The following RPS6KA3 variants were observed in gnomAD, a reference collection of about 807,000 sequenced individuals.
The protein encoded by RPS6KA3 is ribosomal protein S6 kinase alpha-3.
Under a neutral mutation model 67.2 loss-of-function variants are expected in RPS6KA3, and 4 were observed. The observed-to-expected ratio is 0.06, with a 90% CI of 0.03 to 0.14. RPS6KA3 has a LOEUF of 0.14. Among genes scored for constraint, RPS6KA3 ranks in the 10% least tolerant of loss-of-function variants. RPS6KA3 has a pLI of 1.00. For synonymous variants in RPS6KA3, 182 were observed against 183.7 expected (o/e 0.99, Z 0.07); for missense variants, 204 against 559.0 (o/e 0.36, Z 6.40).
chrX:20,233,289 T>C (rs773597300), intron 2 of RPS6KA3, among the ~76,000 whole-genome samples: 2 of 111,694 alleles, frequency 1.8e-5, no homozygotes, highest in African/African-American at 3.3e-5. Context: ...ATTTGACAAA[T>C]GTCTATTGAT....
chrX:20,183,785 T>A lies in RPS6KA3; in HGVS notation c.845+2511A>T, dbSNP rs531024322. ...GTTTATCAAGATTCACATTAAAAAG[T>A]TGTTAGGATTTTAATTTTATTTGCA... On this transcript the variant is annotated intron_variant, in intron 10 of 21. Transcript: ENST00000379565. Among the ~76,000 whole-genome samples, 6 of 112,424 alleles carry A rather than the reference T, an allele frequency of 5.3e-5. No homozygotes were observed. In the South Asian group the frequency reaches 2.2e-3, roughly 41 times the overall value.
intron 4 of RPS6KA3, chrX:20,203,262 A>AT (rs1312556662): frequency 7.9e-4 from 67 of 84,787 alleles, no homozygotes; most frequent in African/African-American, 4.0e-3. Flanking sequence ...CTTCTTAACT[A>AT]CTTTTTTTTT....
At chrX:20,176,216 G>T (rs2067696412) in intron 13 of RPS6KA3, 34 bp downstream of exon 13, 1 of 879,128 alleles carries the variant, frequency 1.1e-6, no homozygotes, top group Non-Finnish European at 1.7e-6. Context: ...CATATTTGTT[G>T]TCTTATATTT....
At chrX:20,231,449 T>A (rs1398898112) in intron 2 of RPS6KA3, among the ~76,000 whole-genome samples, 2 of 112,042 alleles carry the variant, frequency 1.8e-5, no homozygotes, top group Admixed American at 1.9e-4. Context: ...TCTGGAAGAT[T>A]AAATGTGTAG....
rs1215736165 is a variant in RPS6KA3, at chrX:20,266,747, GGCA to G, written c.-118_-116del. 601 of 20,470 alleles carry G rather than the reference GGCA, an allele frequency of 0.029. 3 individuals are homozygous for G. Among genetic ancestry groups the G allele is most frequent in the African/African-American group, 0.23 (170 of 743 alleles). The allele number at this position is 20,470 out of a possible 1,213,427, so 1.7% of individuals were successfully genotyped here. On this transcript the variant is annotated 5_prime_UTR_variant, in exon 1 of 22. Transcript: ENST00000379565. ...CAGCGGCGGCGGCGGCGGCGGCGGC[GGCA>G]GCGGCAGCGGCAGCGGCAGCAGCAG...
intron 10 of RPS6KA3, among the ~76,000 whole-genome samples, chrX:20,182,100 A>G (rs764501479): frequency 1.8e-5 from 2 of 111,620 alleles, no homozygotes; most frequent in Non-Finnish European, 3.8e-5. Context: ...ACCCCGAACA[A>G]AAACACCCAA....
Position 20,155,155 on chromosome X carries a change from A to C in RPS6KA3, c.*243T>G. The C allele has an allele frequency of 2.5e-6, 1 of 405,570 alleles. No individual in the cohort carries two copies. Among genetic ancestry groups the C allele is most frequent in the Non-Finnish European group, 4.3e-6 (1 of 229,924 alleles). 33.4% of individuals were successfully genotyped at this position (405,570 alleles called of 1,213,427 possible). A position where few individuals can be genotyped will look rare whatever the true frequency, so the allele number is the denominator to read the frequency against. On this transcript the variant is annotated 3_prime_UTR_variant, in exon 22 of 22. Transcript: ENST00000379565. The stretch of plus-strand genomic sequence containing the variant: ...TGTTCATTATTTTTCTCATTGATTC[A>C]GTGACTATATCTTCATCATGTTTCC...
intron 1 of RPS6KA3, among the ~76,000 whole-genome samples, chrX:20,247,791 GA>G (rs754788820): frequency 0.07 from 2,763 of 39,365 alleles, 93 homozygotes; most frequent in African/African-American, 0.19. Context: ...CGTCTCAAAA[GA>G]AAAAAAAAAA....
At position 20,248,529 on chromosome X, in the gene RPS6KA3, G is replaced by C. The variant is rs191521051; in HGVS notation, c.70-13715C>G. Reference sequence around the variant, plus strand: ...GAGTCTCGCTCTGTCGCCCAGGCTGGAGTGCAGTGGCGTGATCTCTGCTCA... The same window carrying C: ...GAGTCTCGCTCTGTCGCCCAGGCTGCAGTGCAGTGGCGTGATCTCTGCTCA... On this transcript the variant is annotated intron_variant, in intron 1 of 21. Transcript: ENST00000379565. Among the ~76,000 whole-genome samples the C allele has an allele frequency of 9.4e-4, 104 of 110,873 alleles. 1 individual carries two copies. Among genetic ancestry groups the C allele is most frequent in the African/African-American group, 3.1e-3 (95 of 30,474 alleles).
At chrX:20,240,593 C>A (rs966890176) in intron 1 of RPS6KA3, 1 of 546,312 alleles carries the variant, frequency 1.8e-6, no homozygotes, top group Non-Finnish European at 2.2e-6. Context: ...TAAGAATCAG[C>A]TCCTCATTTA....
intron 19 of RPS6KA3, among the ~76,000 whole-genome samples, chrX:20,162,734 C>G (rs1319572891): frequency 9.0e-6 from 1 of 110,620 alleles, no homozygotes; most frequent in Admixed American, 9.6e-5. Context: ...CTAGCTACTC[C>G]TATTCAGGAG....
intron 1 of RPS6KA3, chrX:20,235,646 A>G (rs1021865276): frequency 4.5e-5 from 5 of 111,535 alleles, no homozygotes; most frequent in African/African-American, 1.6e-4. Context: ...AAACAAAAAC[A>G]AAAACAAAAA....
At chrX:20,201,749 C>T (rs898145069) in intron 4 of RPS6KA3, among the ~76,000 whole-genome samples, 7 of 110,706 alleles carry the variant, frequency 6.3e-5, no homozygotes, top group African/African-American at 2.3e-4. Flanking sequence ...CAGATTTGGC[C>T]AGTAGAAGCC....
chrX:20,237,971 G>T (rs1324662894), intron 1 of RPS6KA3, among the ~76,000 whole-genome samples: 2 of 111,343 alleles, frequency 1.8e-5, no homozygotes, highest in Non-Finnish European at 3.8e-5. Context: ...ACTTTCCTCA[G>T]CTGTGAATTC....
intron 13 of RPS6KA3, 64 bp from the exon 14 acceptor site, chrX:20,175,352 A>T (rs928086706): frequency 1.8e-6 from 2 of 1,086,804 alleles, no homozygotes; most frequent in African/African-American, 3.6e-5. Flanking sequence ...AAAACTGTTG[A>T]CACTATGACC....
chrX:20,187,147 C>CT (rs909713691), intron 9 of RPS6KA3, among the ~76,000 whole-genome samples: 10 of 111,671 alleles, frequency 9.0e-5, no homozygotes, highest in Admixed American at 1.9e-4. Context: ...GAACTCCTGA[C>CT]TTTAAGTGAT....
At chrX:20,183,450 G>T (rs1191418204) in intron 10 of RPS6KA3, among the ~76,000 whole-genome samples, 2 of 111,313 alleles carry the variant, frequency 1.8e-5, no homozygotes, top group Admixed American at 9.6e-5. Flanking sequence ...TTACAGGTGT[G>T]AGCCACCACT....
rs1009861986 is a variant in RPS6KA3 at position 20,171,484 on chromosome X, C to T, written c.1353+1262G>A. Among the ~76,000 whole-genome samples the T allele has an allele frequency of 2.7e-5, 3 of 111,791 alleles. No individual in the cohort carries two copies. The East Asian group carries it at 8.4e-4, about 31-fold the overall frequency. On this transcript the variant is annotated intron_variant, in intron 15 of 21. Transcript: ENST00000379565. ...CTAGTCTTTTGAAAACCAGAACACACTGGGAGGGGTCGTTTTTGGCATGGA... is the reference window on the plus strand; with the variant it reads ...CTAGTCTTTTGAAAACCAGAACACATTGGGAGGGGTCGTTTTTGGCATGGA...
chrX:20,256,545 C>T (rs373953425), intron 1 of RPS6KA3, among the ~76,000 whole-genome samples: 2 of 111,877 alleles, frequency 1.8e-5, no homozygotes, highest in East Asian at 2.8e-4. Context: ...TTGTTTCAAA[C>T]GTTAGACATT....
Sources: allele counts gnomAD v4.1 joint callset (sites outside exome capture counted in the v4.1 genomes callset), GRCh38; gene constraint gnomAD v4.1.1; transcripts MANE v1.5; gene names NCBI Gene and HGNC (gene_info 2026-07-23, HGNC 2026-07-21).